Variants in LYRM4 observed in about 807,000 individuals in gnomAD.
The protein encoded by LYRM4 is LYR motif-containing protein 4.
LYRM4 carries 9 observed loss-of-function variants against 11.7 expected under a neutral mutation model. The ratio of observed to expected loss-of-function variants is 0.77; its 90% CI spans 0.46 to 1.34. LYRM4 has a LOEUF of 1.34. Among genes scored for constraint, LYRM4 ranks in the 40% most tolerant of loss-of-function variants. The pLI is 0.00. For synonymous variants in LYRM4, 42 were observed against 40.4 expected (o/e 1.04, Z -0.15); for missense variants, 133 against 112.5 (o/e 1.18, Z -0.82).
the LYRM4 span, among the ~76,000 whole-genome samples, chr6:5,077,480 T>C: frequency 1.3e-5 from 2 of 152,144 alleles, no homozygotes; most frequent in Non-Finnish European, 2.9e-5. Context: ...TCCCAGTGGT[T>C]TTTTCTGTTC....
the LYRM4 span, among the ~76,000 whole-genome samples, chr6:5,051,847 G>C: frequency 0.072 from 10,955 of 152,232 alleles, 1,307 homozygotes; most frequent in African/African-American, 0.25. Context: ...GGGGAGCCGG[G>C]AAGTGCAGAG....
chr6:5,137,585 A>G (rs1757168984), intron 2 of LYRM4, among the ~76,000 whole-genome samples: 1 of 152,026 alleles, frequency 6.6e-6, no homozygotes, highest in African/African-American at 2.4e-5. Context: ...TCACAGAGGA[A>G]CTCTAGTGTC....
At chr6:5,136,777 G>A (rs1757122733) in intron 2 of LYRM4, 1 of 985,396 alleles carries the variant, frequency 1.0e-6, no homozygotes, top group Non-Finnish European at 1.2e-6. Context: ...TTCCTTTCCT[G>A]TGGCAGAGGG....
the LYRM4 span, among the ~76,000 whole-genome samples, chr6:5,058,990 C>T: frequency 6.6e-6 from 1 of 152,278 alleles, no homozygotes; most frequent in African/African-American, 2.4e-5. Flanking sequence ...CCTCTGCTCT[C>T]CTAATCTCTG....
At chr6:5,158,277 A>G (rs1265407734) in intron 2 of LYRM4, among the ~76,000 whole-genome samples, 1 of 152,220 alleles carries the variant, frequency 6.6e-6, no homozygotes, top group Non-Finnish European at 1.5e-5. Flanking sequence ...AAGTATTTCA[A>G]GAAGCATAAA....
the LYRM4 span, chr6:5,086,122 C>T: frequency 6.8e-7 from 1 of 1,473,426 alleles, no homozygotes; most frequent in Non-Finnish European, 8.9e-7. Context: ...GGCCGAGCGT[C>T]TGCAGCGGCA....
At chr6:5,156,014 C>T (rs941002107) in intron 2 of LYRM4, among the ~76,000 whole-genome samples, 1 of 152,182 alleles carries the variant, frequency 6.6e-6, no homozygotes, top group African/African-American at 2.4e-5. Context: ...AGGAAACACA[C>T]AGATTTATAA....
the LYRM4 span, among the ~76,000 whole-genome samples, chr6:5,074,686 A>C: frequency 2.0e-5 from 3 of 151,404 alleles, no homozygotes; most frequent in Non-Finnish European, 4.4e-5. Flanking sequence ...AGGTTTGTTA[A>C]ATAGGTATAT....
intron 2 of LYRM4, chr6:5,113,203 G>A (rs532726698): frequency 8.6e-6 from 3 of 347,282 alleles, no homozygotes; most frequent in African/African-American, 6.5e-5. Context: ...GGGAGGTCGA[G>A]ACGGGTGGAT....
chr6:5,219,787 T>C (rs58508775), intron 1 of LYRM4, among the ~76,000 whole-genome samples: 7,465 of 152,146 alleles, frequency 0.049, 602 homozygotes, highest in African/African-American at 0.16. Flanking sequence ...TGAGCAAGAA[T>C]ATTTCAAAGA....
At chr6:5,260,598 TCCCCG>T in intron 1 of LYRM4, 45 bp downstream of exon 1, 49 of 1,105,492 alleles carry the variant, frequency 4.4e-5, no homozygotes, top group Non-Finnish European at 6.0e-5. Flanking sequence ...GCACCCCCGG[TCCCCG>T]GCCCCTGGCC....
the LYRM4 span, chr6:5,067,020 G>T: frequency 1.8e-6 from 1 of 565,122 alleles, no homozygotes. Flanking sequence ...GATTACCGGG[G>T]GTTGCTACTG....
the LYRM4 span, chr6:5,086,548 G>A: frequency 1.3e-6 from 2 of 1,525,802 alleles, no homozygotes; most frequent in Non-Finnish European, 1.8e-6. Context: ...CGCGCGCCCT[G>A]CGGACGCGCT....
chr6:5,118,078 C>CT (rs1763206813), intron 2 of LYRM4, among the ~76,000 whole-genome samples: 3 of 44,676 alleles, frequency 6.7e-5, no homozygotes, highest in East Asian at 1.1e-3. Context: ...GTCACCAAAA[C>CT]AATATATATA....
At chr6:5,247,676 C>G (rs868530908) in intron 1 of LYRM4, among the ~76,000 whole-genome samples, 1 of 152,086 alleles carries the variant, frequency 6.6e-6, no homozygotes, top group Non-Finnish European at 1.5e-5. Flanking sequence ...TTGGAATAAA[C>G]TAGGCCAAAG....
At chr6:5,187,112 T>G in intron 2 of LYRM4, 426 of 576,430 alleles carry the variant, frequency 7.4e-4, no homozygotes, top group South Asian at 8.5e-4. Flanking sequence ...AGAAAAGAAA[T>G]GCACATGCTA....
intron 1 of LYRM4, among the ~76,000 whole-genome samples, chr6:5,227,895 ACAC>A (rs1762985130): frequency 6.6e-6 from 1 of 152,158 alleles, no homozygotes; most frequent in Non-Finnish European, 1.5e-5. Context: ...AGAAAACCAA[ACAC>A]CACATGTTCG....
At chr6:5,181,769 A>G (rs2773337) in intron 2 of LYRM4, among the ~76,000 whole-genome samples, 52,106 of 151,954 alleles carry the variant, frequency 0.34, 10,128 homozygotes, top group African/African-American at 0.55. Flanking sequence ...TTCTCTTTCT[A>G]GTCACTCCCT....
chr6:5,114,275 T>C (rs1307444247), intron 2 of LYRM4, among the ~76,000 whole-genome samples: 2 of 152,244 alleles, frequency 1.3e-5, no homozygotes, highest in Non-Finnish European at 2.9e-5. Flanking sequence ...AGGTGGAGAC[T>C]GAGTGCTTGA....
Sources: gnomAD v4.1 joint callset for allele counts (sites outside exome capture counted in the v4.1 genomes callset) on GRCh38, gnomAD v4.1.1 for gene constraint, MANE v1.5 for transcripts, NCBI Gene and HGNC (gene_info 2026-07-23, HGNC 2026-07-21) for gene names.